PCDH15: variants seen among roughly 807,000 people sequenced by gnomAD.
The protein encoded by PCDH15 is protocadherin related 15.
A neutral mutation model predicts 178.5 loss-of-function variants in PCDH15; 129 were observed. The observed-to-expected ratio is 0.72, with a 90% CI of 0.63 to 0.84. The LOEUF (loss-of-function observed/expected upper bound fraction) is 0.84. Ranked by LOEUF, PCDH15 falls within the 40% of genes least tolerant of loss-of-function variation. The pLI, the probability that PCDH15 is intolerant of heterozygous loss-of-function variation, is 0.00. For missense variants in PCDH15, 2,230 were observed against 2,099.9 expected (o/e 1.06, Z -1.21); for synonymous variants, 800 against 732.0 (o/e 1.09, Z -1.50).
At chr10:54,080,495 T>C (rs1174994079) in intron 16 of PCDH15, among the ~76,000 whole-genome samples, 1 of 152,176 alleles carries the variant, frequency 6.6e-6, no homozygotes, top group East Asian at 1.9e-4. Flanking sequence ...TTAAAATATA[T>C]GTACCAAGTC....
chr10:53,918,244 C>T (rs1264343058), intron 25 of PCDH15, among the ~76,000 whole-genome samples: 1 of 152,038 alleles, frequency 6.6e-6, no homozygotes, highest in African/African-American at 2.4e-5. Context: ...AAAAACCTTG[C>T]AACAAATCCA....
chr10:53,880,100 T>C (rs1374419865), intron 26 of PCDH15, among the ~76,000 whole-genome samples: 2 of 152,260 alleles, frequency 1.3e-5, no homozygotes, highest in Non-Finnish European at 2.9e-5. Flanking sequence ...CAGTGTTCAA[T>C]ATTAACTTGT....
At chr10:54,189,363 C>G in intron 11 of PCDH15, 2 of 1,573,610 alleles carry the variant, frequency 1.3e-6, no homozygotes, top group Non-Finnish European at 1.7e-6. Context: ...CTAGTACCTA[C>G]AGGAACTCCA....
chr10:55,071,350 C>T (rs1841741665), intron 2 of PCDH15, among the ~76,000 whole-genome samples: 1 of 152,002 alleles, frequency 6.6e-6, no homozygotes, highest in Non-Finnish European at 1.5e-5. Context: ...TTCAGGACAC[C>T]CATCTCATGT....
At chr10:55,480,379 G>T (rs749569041) in intron 2 of PCDH15, among the ~76,000 whole-genome samples, 44 of 151,728 alleles carry the variant, frequency 2.9e-4, no homozygotes, top group Middle Eastern at 3.2e-3. Context: ...TAATAGGAGT[G>T]ATGACAGAGG....
chr10:55,352,352 G>A (rs1844959688), intron 2 of PCDH15, among the ~76,000 whole-genome samples: 1 of 152,116 alleles, frequency 6.6e-6, no homozygotes, highest in South Asian at 2.1e-4. Flanking sequence ...AAGCAGCAGA[G>A]ACAACTTCAA....
intron 3 of PCDH15, among the ~76,000 whole-genome samples, chr10:54,462,891 C>A (rs527360589): frequency 6.6e-6 from 1 of 151,714 alleles, no homozygotes; most frequent in South Asian, 2.1e-4. Context: ...TTTTCACATT[C>A]TCTTCCTTTA....
At position 54,744,930 on chromosome 10, in the gene PCDH15, T is replaced by TTG. The variant is rs575190359; in HGVS notation, c.-29+55993_-29+55994dup. Among the ~76,000 whole-genome samples, 495 of 150,710 alleles carry TTG rather than the reference T, an allele frequency of 3.3e-3. 1 individual carries two copies. Among genetic ancestry groups the TTG allele is most frequent in the Middle Eastern group, 0.01 (3 of 294 alleles). Reference sequence around the variant, plus strand: ...CATTTTATCTTTGTTTACAGACATTTTGTGTGTGTGTGTGTGTGAATGTTT... The same window carrying TTG: ...CATTTTATCTTTGTTTACAGACATTTTGTGTGTGTGTGTGTGTGTGAATGTTT... On this transcript the variant is annotated intron_variant, in intron 1 of 37. Coordinates refer to ENST00000644397, the MANE Select transcript of PCDH15 (RefSeq NM_001384140.1).
At chr10:53,810,863 G>C (rs1403401969) in intron 36 of PCDH15, among the ~76,000 whole-genome samples, 199 bp from the exon 37 acceptor site, 1 of 152,010 alleles carries the variant, frequency 6.6e-6, no homozygotes, top group African/African-American at 2.4e-5. Context: ...TTGCCATAAT[G>C]GTACCCTGGA....
At chr10:54,985,741 A>G (rs1182254032) in intron 2 of PCDH15, among the ~76,000 whole-genome samples, 1 of 152,248 alleles carries the variant, frequency 6.6e-6, no homozygotes, top group East Asian at 1.9e-4. Context: ...CTGAATGTAT[A>G]TCATTTCACA....
chr10:55,543,733 C>T (rs1017837907), intron 2 of PCDH15, among the ~76,000 whole-genome samples: 1 of 151,198 alleles, frequency 6.6e-6, no homozygotes, highest in Non-Finnish European at 1.5e-5. Context: ...CAAATTACAA[C>T]AAGCAACATA....
intron 2 of PCDH15, among the ~76,000 whole-genome samples, chr10:55,001,026 G>A (rs750051368): frequency 6.6e-6 from 1 of 152,056 alleles, no homozygotes; most frequent in Non-Finnish European, 1.5e-5. Context: ...TCTTTGAGAC[G>A]ACCTGCCTGA....
At chr10:54,075,117 C>A (rs771597486) in intron 17 of PCDH15, among the ~76,000 whole-genome samples, 1 of 152,102 alleles carries the variant, frequency 6.6e-6, no homozygotes, top group African/African-American at 2.4e-5. Flanking sequence ...GTGGCTCACA[C>A]CTGTAATCCC....
Position 54,133,137 on chromosome 10 carries a change from CAAAAT to C in PCDH15, c.1785-135_1785-131del. On this transcript the variant is annotated intron_variant, in intron 14 of 37. Coordinates refer to ENST00000644397, the MANE Select transcript of PCDH15 (RefSeq NM_001384140.1). ...CAAATTTTATGAAAAATAATACAAT[CAAAAT>C]GAAAGGATAGAAAAAACTACCACCA... 2.7e-6 allele frequency: 3 copies of C among 1,126,912 alleles called. No homozygotes were observed. In the South Asian group the frequency reaches 4.1e-5, roughly 15 times the overall value. The allele number at this position is 1,126,912 out of a possible 1,614,324, so 69.8% of individuals were successfully genotyped here.
intron 9 of PCDH15, among the ~76,000 whole-genome samples, chr10:54,227,607 A>C (rs1352048093): frequency 6.6e-6 from 1 of 152,196 alleles, no homozygotes; most frequent in Admixed American, 6.5e-5. Flanking sequence ...CTCGTTACTT[A>C]TGCAAATTTC....
chr10:54,700,454 G>A (rs935646085), intron 1 of PCDH15, among the ~76,000 whole-genome samples: 8 of 151,998 alleles, frequency 5.3e-5, no homozygotes, highest in African/African-American at 1.9e-4. Flanking sequence ...CCCAATCCAA[G>A]GAGTCTAAGG....
chr10:55,426,758 T>G (rs1258332237), intron 2 of PCDH15, among the ~76,000 whole-genome samples: 1 of 152,172 alleles, frequency 6.6e-6, no homozygotes, highest in African/African-American at 2.4e-5. Flanking sequence ...ATGATTTTCT[T>G]GCCAATGGAA....
At chr10:54,384,119 C>T (rs1949627032) in intron 3 of PCDH15, among the ~76,000 whole-genome samples, 1 of 151,520 alleles carries the variant, frequency 6.6e-6, no homozygotes, top group South Asian at 2.1e-4. Flanking sequence ...CAGGCGTGAG[C>T]TACTGCATCC....
At chr10:54,037,711 G>A (rs1457740381) in intron 18 of PCDH15, among the ~76,000 whole-genome samples, 1 of 151,948 alleles carries the variant, frequency 6.6e-6, no homozygotes, top group East Asian at 1.9e-4. Flanking sequence ...TCTGAAATAT[G>A]CTTGTATTAA....
Sources: gnomAD v4.1 joint callset for allele counts (sites outside exome capture counted in the v4.1 genomes callset) on GRCh38, gnomAD v4.1.1 for gene constraint, MANE v1.5 for transcripts, NCBI Gene and HGNC (gene_info 2026-07-23, HGNC 2026-07-21) for gene names.